The following HERC2 variants were observed in gnomAD, a reference collection of about 807,000 sequenced individuals.
The protein encoded by HERC2 is HECT and RLD domain containing E3 ubiquitin protein ligase 2, also known as E3 ubiquitin-protein ligase HERC2.
HERC2 carries 102 observed loss-of-function variants against 537.7 expected under a neutral mutation model. The ratio of observed to expected loss-of-function variants is 0.19; its 90% CI spans 0.16 to 0.22. HERC2 has a LOEUF of 0.22. HERC2 is among the 10% of genes least tolerant of loss of function. HERC2 has a pLI of 1.00. For synonymous variants in HERC2, 2,224 were observed against 2,466.2 expected (o/e 0.90, Z 2.91); for missense variants, 4,236 against 6,198.2 (o/e 0.68, Z 10.63).
intron 2 of HERC2, among the ~76,000 whole-genome samples, chr15:28,314,641 G>T (rs1383802966): frequency 6.6e-6 from 1 of 152,086 alleles, no homozygotes; most frequent in African/African-American, 2.4e-5. Context: ...CGGATCATGA[G>T]GTCAGGAGTT....
In HERC2 at chr15:28,254,476, C is replaced by A. The variant is rs1392076997; in HGVS notation, c.2914G>T (p.Asp972Tyr). ...GTTGAGGCATTCGCTTCCTGTTCAT[C>A]AATTTCTTTTTCCTTCTGTGCTTCT... Reference protein sequence around the residue: ...KKEAQKEKEIDEQEANASTFH... With the variant: ...KKEAQKEKEIYEQEANASTFH... Residue 972 changes from aspartate to tyrosine, a missense_variant, in exon 20 of 93, where the codon GAT becomes TAT. Around this residue, in one of 27 missense-constraint regions of HERC2, gnomAD observed 754 missense variants for 1,085.0 expected, o/e 0.69. Transcript: ENST00000261609. The A allele has an allele frequency of 6.2e-7, 1 of 1,601,740 alleles. No individual in the cohort carries two copies. Among genetic ancestry groups the A allele is most frequent in the Admixed American group, 1.8e-5 (1 of 56,384 alleles).
At chr15:28,212,133 G>T (rs1389856780) in intron 43 of HERC2, among the ~76,000 whole-genome samples, 8 of 152,194 alleles carry the variant, frequency 5.3e-5, no homozygotes, top group Non-Finnish European at 1.0e-4. Context: ...TGGGCCACAG[G>T]GCCCTGGGAT....
chr15:28,200,218 G>T (rs112524735), intron 48 of HERC2, among the ~76,000 whole-genome samples: 4 of 152,014 alleles, frequency 2.6e-5, no homozygotes, highest in African/African-American at 4.8e-5. Flanking sequence ...CAAAAATGAA[G>T]AAACACTGTC....
chr15:28,146,393 C>T (rs1465220362), intron 70 of HERC2, 49 bp from the exon 71 acceptor site: 1 of 1,277,022 alleles, frequency 7.8e-7, no homozygotes, highest in Admixed American at 1.7e-5. Flanking sequence ...AGATCAGCAC[C>T]CAAAGTAGAA....
At chr15:28,179,605 A>AT (rs1308527362) in intron 57 of HERC2, among the ~76,000 whole-genome samples, 2 of 152,220 alleles carry the variant, frequency 1.3e-5, no homozygotes, top group Non-Finnish European at 2.9e-5. Context: ...TTTAGAGTGT[A>AT]TTCCTTCTAC....
chr15:28,224,816 A>G (rs1167287061), intron 35 of HERC2, among the ~76,000 whole-genome samples: 1 of 152,252 alleles, frequency 6.6e-6, no homozygotes, highest in Non-Finnish European at 1.5e-5. Flanking sequence ...TTCTCCAACC[A>G]AAATGAAATG....
chr15:28,121,603 G>A (rs575287822), intron 85 of HERC2, among the ~76,000 whole-genome samples, 174 bp from the exon 86 acceptor site: 3 of 152,324 alleles, frequency 2.0e-5, no homozygotes, highest in Admixed American at 2.0e-4. Flanking sequence ...TGGCCCCGAA[G>A]CACACAGGGA....
intron 66 of HERC2, 102 bp from the exon 67 acceptor site, chr15:28,168,692 T>C (rs1007805494): frequency 1.0e-6 from 1 of 979,886 alleles, no homozygotes; most frequent in East Asian, 2.7e-5. Flanking sequence ...GTTTCCTCAT[T>C]TTTACTGAAT....
Position 28,176,629 on chromosome 15 carries a change from C to A in HERC2, c.9515-30G>T. On this transcript the variant is annotated intron_variant, in intron 62 of 92. Coordinates refer to ENST00000261609, the MANE Select transcript of HERC2 (RefSeq NM_004667.6). This position sits in a 1 kb window ranked among gnomAD's most constrained non-coding sequence, Gnocchi z 5.0. ...GTTTAAGAAACACATATACTTCAGGCCAGCGTTTCATATCATTCCTACCCA... is the reference window on the plus strand; with the variant it reads ...GTTTAAGAAACACATATACTTCAGGACAGCGTTTCATATCATTCCTACCCA... The A allele has an allele frequency of 6.2e-7, 1 of 1,613,922 alleles. No individual in the cohort carries two copies. Among genetic ancestry groups the A allele is most frequent in the Non-Finnish European group, 8.5e-7 (1 of 1,179,870 alleles).
At chr15:28,216,664 ACT>A (rs2140466031) in intron 38 of HERC2, among the ~76,000 whole-genome samples, 1 of 150,150 alleles carries the variant, frequency 6.7e-6, no homozygotes, top group South Asian at 2.1e-4. Context: ...GCATCCTCAC[ACT>A]CACACTGATA....
At chr15:28,232,939 C>CA (rs1237907852) in intron 30 of HERC2, among the ~76,000 whole-genome samples, 4 of 152,332 alleles carry the variant, frequency 2.6e-5, no homozygotes, top group Admixed American at 1.3e-4. Flanking sequence ...ATACCACACT[C>CA]AATTCCTAAA....
rs1247532803 is a variant in HERC2, at chr15:28,320,513, G to GT, written c.72+848dup. The GT allele has an allele frequency of 3.3e-5, 5 of 151,990 alleles. No individual in the cohort carries two copies. The East Asian group carries it at 5.8e-4, about 18-fold the overall frequency. 9.4% of individuals were successfully genotyped at this position (151,990 alleles called of 1,614,324 possible). A position where few individuals can be genotyped will look rare whatever the true frequency, so the allele number is the denominator to read the frequency against. ...TAGGAAGGGGCAATAACACTTCAGT[G>GT]TAAGTATCCATGATCAACTACTGCT... On this transcript the variant is annotated intron_variant, in intron 2 of 92. Transcript: ENST00000261609.
intron 37 of HERC2, 152 bp downstream of exon 37, chr15:28,220,300 G>A (rs1900385914): frequency 1.4e-5 from 10 of 723,696 alleles, no homozygotes; most frequent in Admixed American, 1.0e-4. Context: ...GAGGTGCCTG[G>A]GAGCTTATTT....
At chr15:28,191,368 A>G in intron 53 of HERC2, 124 bp from the exon 54 acceptor site, 1 of 648,508 alleles carries the variant, frequency 1.5e-6, no homozygotes, top group South Asian at 2.0e-5. Flanking sequence ...GTAGCATGAG[A>G]GAGAATTTTC....
At chr15:28,188,417 G>A (rs1232281863) in intron 55 of HERC2, among the ~76,000 whole-genome samples, 2 of 151,998 alleles carry the variant, frequency 1.3e-5, no homozygotes, top group Non-Finnish European at 2.9e-5. Context: ...GGTGGCAGGC[G>A]CCTATAGTCC....
At position 28,291,153 on chromosome 15, in the gene HERC2, T is replaced by A. The variant is rs116557875; in HGVS notation, c.322+1735A>T. Among the ~76,000 whole-genome samples the A allele has an allele frequency of 5.0e-3, 769 of 152,306 alleles. 12 individuals are homozygous for A. The highest frequency in any genetic ancestry group is 0.018 in the African/African-American group (730 of 41,572). ...CTGGTACTTACTACATGCAAGATAATAGCATACGCACTTTGTCTGGCCTAC... is the reference window on the plus strand; with the variant it reads ...CTGGTACTTACTACATGCAAGATAAAAGCATACGCACTTTGTCTGGCCTAC... On this transcript the variant is annotated intron_variant, in intron 4 of 92. Transcript: ENST00000261609.
At chr15:28,255,096 G>A (rs1307111065) in intron 19 of HERC2, among the ~76,000 whole-genome samples, 4 of 152,204 alleles carry the variant, frequency 2.6e-5, no homozygotes, top group African/African-American at 4.8e-5. Context: ...AACACTTTGG[G>A]AGGACAAGGT....
chr15:28,120,482 C>G (rs1236300079), intron 86 of HERC2, among the ~76,000 whole-genome samples: 1 of 152,232 alleles, frequency 6.6e-6, no homozygotes, highest in Non-Finnish European at 1.5e-5. Flanking sequence ...ATGTCAAGTT[C>G]TGCACGCTAT....
intron 4 of HERC2, among the ~76,000 whole-genome samples, chr15:28,288,086 A>C (rs1201060582): frequency 6.6e-6 from 1 of 152,154 alleles, no homozygotes; most frequent in Non-Finnish European, 1.5e-5. Context: ...AGAGTCAGAG[A>C]TAAAGCCAAA....
Sources: gnomAD v4.1 joint callset for allele counts (sites outside exome capture counted in the v4.1 genomes callset) on GRCh38, gnomAD v4.1.1 for gene constraint, gnomAD v4.1.1 regional missense constraint, Gnocchi (gnomAD v3.1) non-coding constraint, MANE v1.5 for transcripts, NCBI Gene and HGNC (gene_info 2026-07-23, HGNC 2026-07-21) for gene names.